RBP7: variants seen among roughly 807,000 people sequenced by gnomAD.
RBP7 encodes the protein retinol binding protein 7, also known as retinoid-binding protein 7.
A neutral mutation model predicts 16.7 loss-of-function variants in RBP7; 13 were observed. The ratio of observed to expected loss-of-function variants is 0.78; its 90% CI spans 0.51 to 1.24. The LOEUF is 1.24. Ranked by LOEUF, RBP7 falls within the 50% of genes most tolerant of loss-of-function variation. The pLI, the probability that RBP7 is intolerant of heterozygous loss-of-function variation, is 0.00. For synonymous variants in RBP7, 54 were observed against 56.2 expected, an observed-to-expected ratio of 0.96 and a Z score of 0.17; for missense variants, 145 against 159.5, an observed-to-expected ratio of 0.91 and a Z score of 0.49.
chr1:10,013,764 C>T (rs894623906), intron 3 of RBP7, among the ~76,000 whole-genome samples: 51 of 151,934 alleles, frequency 3.4e-4, no homozygotes, highest in African/African-American at 1.2e-3. Flanking sequence ...GAGCCGAGAT[C>T]GCGCCATTGC....
At chr1:10,004,536 C>T (rs1463601258) in intron 1 of RBP7, among the ~76,000 whole-genome samples, 1 of 151,730 alleles carries the variant, frequency 6.6e-6, no homozygotes, top group Admixed American at 6.6e-5. Context: ...CCACCATGCC[C>T]GGCTAATTTT....
rs371179703 is a variant in RBP7, at chr1:9,997,331, G to C, written c.73G>C (p.Gly25Arg). Residue 25 changes from glycine to arginine, a missense_variant and splice_region_variant, in exon 1 of 4, where the codon GGT becomes CGT. Gly to Arg is a moderately radical substitution (Grantham distance 125). Transcript: ENST00000294435. The surrounding 1 kb of genome is among the most constrained non-coding windows in gnomAD (Gnocchi z 5.9). ...DNFEGYMLALGIDFATRKIAK... is the reference protein window; with the variant it reads ...DNFEGYMLALRIDFATRKIAK... Reference sequence around the variant, plus strand: ...CTTCGAGGGCTACATGCTGGCCCTAGGTAAGGCGGAGGGGAGGCGGCGGCG... The same window carrying C: ...CTTCGAGGGCTACATGCTGGCCCTACGTAAGGCGGAGGGGAGGCGGCGGCG... 1.2e-6 allele frequency: 2 copies of C among 1,610,624 alleles called. No homozygotes were observed. Among genetic ancestry groups the C allele is most frequent in the Non-Finnish European group, 1.7e-6 (2 of 1,178,894 alleles).
At chr1:9,999,799 T>G (rs983328503) in intron 1 of RBP7, among the ~76,000 whole-genome samples, 4 of 138,838 alleles carry the variant, frequency 2.9e-5, no homozygotes, top group Non-Finnish European at 4.5e-5. Flanking sequence ...GTTGTTTACA[T>G]AATACTGTAA....
In RBP7 at chr1:10,015,669, G is replaced by GA. The variant is rs542440065; in HGVS notation, c.355-106dup. On this transcript the variant is annotated intron_variant, in intron 3 of 3. Coordinates refer to ENST00000294435, the MANE Select transcript of RBP7 (RefSeq NM_052960.3). ...CAGAGTGAGACCCCATCTCATAAAA[G>GA]AAAAAAACATGTTCCAGAAAAGGGT... 482 of 932,174 alleles carry GA rather than the reference G, an allele frequency of 5.2e-4. 1 individual carries two copies. The African/African-American group carries it at 6.3e-3, about 12-fold the overall frequency. 57.7% of individuals were successfully genotyped at this position (932,174 alleles called of 1,614,324 possible).
chr1:10,007,423 T>G, intron 1 of RBP7, 147 bp from the exon 2 acceptor site: 1 of 681,392 alleles, frequency 1.5e-6, no homozygotes, highest in Non-Finnish European at 2.4e-6. Flanking sequence ...AGACGATTCC[T>G]TGTAGATCTG....
rs903334753 is a variant in RBP7 at position 9,997,373 on chromosome 1, G to C, written c.73+42G>C. The stretch of plus-strand genomic sequence containing the variant: ...GCGGCGGCGGCGCGAGGCTCGCCGT[G>C]GGTCTCGGGATCAGGCGAAGGCGGC... On this transcript the variant is annotated intron_variant, in intron 1 of 3. Coordinates refer to ENST00000294435, the MANE Select transcript of RBP7 (RefSeq NM_052960.3). This position sits in a 1 kb window ranked among gnomAD's most constrained non-coding sequence, Gnocchi z 5.9. 6.3e-6 allele frequency: 10 copies of C among 1,592,068 alleles called. No individual in the cohort carries two copies. The highest frequency in any genetic ancestry group is 1.4e-5 in the African/African-American group (1 of 73,768).
chr1:10,010,973 C>G (rs1642600073), intron 3 of RBP7, among the ~76,000 whole-genome samples: 1 of 152,188 alleles, frequency 6.6e-6, no homozygotes, highest in South Asian at 2.1e-4. Context: ...AGGTGATCTG[C>G]CCGCCTTGGC....
intron 1 of RBP7, among the ~76,000 whole-genome samples, chr1:10,005,385 A>G (rs557884655): frequency 6.6e-6 from 1 of 151,334 alleles, no homozygotes; most frequent in East Asian, 2.0e-4. Context: ...ATTTTTTTAT[A>G]GAAATGGGGT....
intron 1 of RBP7, among the ~76,000 whole-genome samples, chr1:9,999,671 G>A (rs1159419000): frequency 6.6e-6 from 1 of 152,016 alleles, no homozygotes; most frequent in Non-Finnish European, 1.5e-5. Flanking sequence ...ATCCAGAACG[G>A]TTTTCTGAAA....
intron 1 of RBP7, among the ~76,000 whole-genome samples, chr1:10,003,141 C>T (rs1014300926): frequency 2.0e-5 from 3 of 152,060 alleles, no homozygotes; most frequent in Non-Finnish European, 4.4e-5. Flanking sequence ...ATAAACCACC[C>T]GTTAGCCGGG....
rs753708065 is a variant in RBP7, at chr1:9,997,291, G to A, written c.33G>A (p.Leu11=). The change falls in exon 1 of 4, where the codon CTG becomes CTA. Residue 11 remains leucine, a synonymous_variant. Coordinates refer to ENST00000294435, the MANE Select transcript of RBP7 (RefSeq NM_052960.3). The surrounding 1 kb of genome is among the most constrained non-coding windows in gnomAD (Gnocchi z 5.9). MPADLSGTWT[L]LSSDNFEGYM... is the part of the protein sequence containing the mutation. ...CCGACCTCAGCGGTACTTGGACCCT[G>A]CTCAGCAGCGACAACTTCGAGGGCT... is the stretch of plus-strand genomic sequence containing the variant. 6.2e-7 allele frequency: 1 copy of A among 1,611,272 alleles called. No homozygotes were observed. Among genetic ancestry groups the A allele is most frequent in the Non-Finnish European group, 8.5e-7 (1 of 1,179,118 alleles).
chr1:10,000,188 A>T (rs910326674), intron 1 of RBP7, among the ~76,000 whole-genome samples: 1 of 151,988 alleles, frequency 6.6e-6, no homozygotes, highest in African/African-American at 2.4e-5. Flanking sequence ...AGATTGCGCC[A>T]TTGCACTCTA....
chr1:9,997,951 C>G lies in RBP7; in HGVS notation c.73+620C>G, dbSNP rs982553300. On this transcript the variant is annotated intron_variant, in intron 1 of 3. Coordinates refer to ENST00000294435, the MANE Select transcript of RBP7 (RefSeq NM_052960.3). The surrounding 1 kb of genome is among the most constrained non-coding windows in gnomAD (Gnocchi z 5.9). ...GCCTGGTTCGGCCCGGGGCGTGCCC[C>G]GACCGCCGCCTCCCACGAGGGCTGG... Among the ~76,000 whole-genome samples, 3 of 152,048 alleles carry G rather than the reference C, an allele frequency of 2.0e-5. No individual in the cohort carries two copies. Among genetic ancestry groups the G allele is most frequent in the Admixed American group, 2.0e-4 (3 of 15,276 alleles).
chr1:10,002,444 T>C (rs992973502), intron 1 of RBP7, among the ~76,000 whole-genome samples: 3 of 152,094 alleles, frequency 2.0e-5, no homozygotes, highest in African/African-American at 7.2e-5. Flanking sequence ...GTTGAGGTTC[T>C]AGTAAGTGTG....
intron 3 of RBP7, among the ~76,000 whole-genome samples, chr1:10,009,558 G>C (rs182620396): frequency 2.1e-5 from 3 of 144,540 alleles, no homozygotes; most frequent in East Asian, 4.1e-4. Flanking sequence ...CTCTCCCTCT[G>C]TCACCCAGTG....
In RBP7 at chr1:10,015,776, C is replaced by A. The variant is rs1642758824; in HGVS notation, c.355-6C>A. ...CCTTCTTTTTCCCTTCCTCCTTACGCCCTAGGAAATGTTCTGTGAAGGTCA... is the reference window on the plus strand; with the variant it reads ...CCTTCTTTTTCCCTTCCTCCTTACGACCTAGGAAATGTTCTGTGAAGGTCA... On this transcript the variant is annotated splice_region_variant and splice_polypyrimidine_tract_variant and intron_variant, in intron 3 of 3. Coordinates refer to ENST00000294435, the MANE Select transcript of RBP7 (RefSeq NM_052960.3). 6.2e-7 allele frequency: 1 copy of A among 1,613,582 alleles called. No homozygotes were observed.
chr1:10,003,773 T>C (rs1642342585), intron 1 of RBP7, among the ~76,000 whole-genome samples: 1 of 152,144 alleles, frequency 6.6e-6, no homozygotes, highest in African/African-American at 2.4e-5. Flanking sequence ...ATTTATTTTT[T>C]GAGATGGATT....
At chr1:10,007,328 C>T in intron 1 of RBP7, 1 of 458,062 alleles carries the variant, frequency 2.2e-6, no homozygotes, top group South Asian at 2.4e-5. Context: ...AAACAATCCT[C>T]CTGTCTTCTG....
At chr1:10,004,885 T>C (rs1224827404) in intron 1 of RBP7, among the ~76,000 whole-genome samples, 1 of 151,986 alleles carries the variant, frequency 6.6e-6, no homozygotes, top group Non-Finnish European at 1.5e-5. Context: ...CCCAGCTACT[T>C]GGGAGGCTGA....
Sources: allele counts gnomAD v4.1 joint callset (sites outside exome capture counted in the v4.1 genomes callset), GRCh38; gene constraint gnomAD v4.1.1; non-coding constraint Gnocchi (gnomAD v3.1); transcripts MANE v1.5; gene names NCBI Gene and HGNC (gene_info 2026-07-23, HGNC 2026-07-21).